B3GALT1: variants seen among roughly 807,000 people sequenced by gnomAD.
B3GALT1 encodes UDP-Gal:betaGlcNAc beta 1,3-galactosyltransferase, polypeptide 1.
A neutral mutation model predicts 23.2 loss-of-function variants in B3GALT1; 10 were observed. That is an observed-to-expected ratio of 0.43 (90% CI 0.27 to 0.73). The LOEUF (loss-of-function observed/expected upper bound fraction) is 0.73, where lower values mean the gene tolerates loss of function less well. B3GALT1 is among the 30% of genes least tolerant of loss of function. The pLI, the probability that B3GALT1 is intolerant of heterozygous loss-of-function variation, is 0.21. For missense variants in B3GALT1, 299 were observed against 405.4 expected, an observed-to-expected ratio of 0.74 and a Z score of 2.25; for synonymous variants, 156 against 141.5, an observed-to-expected ratio of 1.10 and a Z score of -0.73.
chr2:167,740,872 C>G (rs1250315472), intron 3 of B3GALT1, among the ~76,000 whole-genome samples: 1 of 152,198 alleles, frequency 6.6e-6, no homozygotes, highest in Non-Finnish European at 1.5e-5. Context: ...TTGGCAGGCA[C>G]TGTGGTAACT....
chr2:167,460,930 GC>G (rs1334082449), intron 1 of B3GALT1, among the ~76,000 whole-genome samples: 1 of 152,118 alleles, frequency 6.6e-6, no homozygotes, highest in African/African-American at 2.4e-5. Context: ...ATATGCAGTT[GC>G]TTTTTAATAT....
intron 3 of B3GALT1, among the ~76,000 whole-genome samples, chr2:167,655,727 G>A (rs1574193508): frequency 1.3e-5 from 2 of 152,202 alleles, no homozygotes; most frequent in South Asian, 4.1e-4. Flanking sequence ...GTGTAAATTA[G>A]CCTGTGAAAA....
At chr2:167,686,461 C>T (rs951256385) in intron 3 of B3GALT1, among the ~76,000 whole-genome samples, 2 of 152,136 alleles carry the variant, frequency 1.3e-5, no homozygotes, top group Non-Finnish European at 2.9e-5. Flanking sequence ...GTTTTTTGTG[C>T]TTCCAAATAT....
intron 2 of B3GALT1, among the ~76,000 whole-genome samples, chr2:167,616,152 TGAAAAA>T (rs1468697986): frequency 6.6e-6 from 1 of 151,974 alleles, no homozygotes; most frequent in South Asian, 2.1e-4. Context: ...TATCAAATAC[TGAAAAA>T]GAAAAGGAGA....
intron 1 of B3GALT1, among the ~76,000 whole-genome samples, chr2:167,346,929 C>T (rs564006774): frequency 6.6e-6 from 1 of 152,220 alleles, no homozygotes; most frequent in South Asian, 2.1e-4. Flanking sequence ...GACTAAAGCT[C>T]TGATCCACCT....
chr2:167,651,753 A>G (rs750231845), intron 3 of B3GALT1, among the ~76,000 whole-genome samples: 1 of 152,146 alleles, frequency 6.6e-6, no homozygotes, highest in South Asian at 2.1e-4. Context: ...TCAATAGTGC[A>G]GTTGAACAAC....
chr2:167,784,942 T>C (rs1372893290), intron 3 of B3GALT1, among the ~76,000 whole-genome samples: 2 of 152,304 alleles, frequency 1.3e-5, no homozygotes. Context: ...TATTTTAAAA[T>C]GTAATATTTC....
chr2:167,437,001 G>C (rs547066116), intron 1 of B3GALT1, among the ~76,000 whole-genome samples: 80 of 152,262 alleles, frequency 5.3e-4, no homozygotes, highest in African/African-American at 1.9e-3. Context: ...AGTTCTTGTG[G>C]CATTATGGAG....
chr2:167,403,125 A>G (rs950506301), intron 1 of B3GALT1, among the ~76,000 whole-genome samples: 4 of 150,394 alleles, frequency 2.7e-5, no homozygotes, highest in Non-Finnish European at 4.4e-5. Flanking sequence ...TGCCCCCATC[A>G]ACTCATCATT....
intron 1 of B3GALT1, among the ~76,000 whole-genome samples, chr2:167,307,672 A>G (rs1320499800): frequency 6.6e-6 from 1 of 151,802 alleles, no homozygotes; most frequent in African/African-American, 2.4e-5. Flanking sequence ...ATGTTAAGGA[A>G]CCCATTCTGT....
At chr2:167,835,507 CT>C (rs1689444181) in intron 4 of B3GALT1, among the ~76,000 whole-genome samples, 1 of 152,242 alleles carries the variant, frequency 6.6e-6, no homozygotes, top group South Asian at 2.1e-4. Context: ...CCCATGCTTG[CT>C]TAGGTAAACA....
chr2:167,773,957 T>C (rs1396701560), intron 3 of B3GALT1, among the ~76,000 whole-genome samples: 1 of 152,238 alleles, frequency 6.6e-6, no homozygotes, highest in African/African-American at 2.4e-5. Context: ...GTTAAACTGA[T>C]AGCTAGTTAT....
intron 3 of B3GALT1, among the ~76,000 whole-genome samples, chr2:167,778,595 G>A (rs1304933318): frequency 3.3e-5 from 5 of 152,160 alleles, no homozygotes; most frequent in Admixed American, 1.3e-4. Context: ...TCAGAATAGA[G>A]ACCCAATAGC....
chr2:167,629,121 A>G (rs1450231259), intron 2 of B3GALT1, among the ~76,000 whole-genome samples: 2 of 151,628 alleles, frequency 1.3e-5, no homozygotes, highest in African/African-American at 4.8e-5. Flanking sequence ...ATGATTCCTT[A>G]GACAGGCAAA....
At chr2:167,303,669 A>AC (rs1696495889) in intron 1 of B3GALT1, among the ~76,000 whole-genome samples, 1 of 151,112 alleles carries the variant, frequency 6.6e-6, no homozygotes, top group Non-Finnish European at 1.5e-5. Flanking sequence ...ACACACACAC[A>AC]CACACACACA....
chr2:167,750,575 G>C (rs1291750978), intron 3 of B3GALT1, among the ~76,000 whole-genome samples: 2 of 151,956 alleles, frequency 1.3e-5, no homozygotes, highest in Non-Finnish European at 2.9e-5. Context: ...AAATAATTTG[G>C]AGTTCAACCA....
At chr2:167,462,256 C>T (rs1267555007) in intron 1 of B3GALT1, among the ~76,000 whole-genome samples, 2 of 152,048 alleles carry the variant, frequency 1.3e-5, no homozygotes, top group Non-Finnish European at 2.9e-5. Flanking sequence ...CCATCTTTAG[C>T]AGCTGTCTTA....
At chr2:167,579,387 G>C (rs1684440857) in intron 2 of B3GALT1, among the ~76,000 whole-genome samples, 1 of 147,182 alleles carries the variant, frequency 6.8e-6, no homozygotes, top group African/African-American at 2.5e-5. Context: ...CTACACATTA[G>C]AATCAGTTGG....
intron 2 of B3GALT1, among the ~76,000 whole-genome samples, chr2:167,536,833 T>C (rs964906276): frequency 3.9e-5 from 6 of 152,054 alleles, no homozygotes; most frequent in Non-Finnish European, 5.9e-5. Context: ...ACATATTGAC[T>C]AAGGAACTAG....
Sources: gnomAD v4.1 joint callset for allele counts (sites outside exome capture counted in the v4.1 genomes callset) on GRCh38, gnomAD v4.1.1 for gene constraint, MANE v1.5 for transcripts, NCBI Gene and HGNC (gene_info 2026-07-23, HGNC 2026-07-21) for gene names.